The following PLCB1 variants were observed in gnomAD, a reference collection of about 807,000 sequenced individuals.
The protein encoded by PLCB1 is 1-phosphatidylinositol 4,5-bisphosphate phosphodiesterase beta-1.
A neutral mutation model predicts 161.8 loss-of-function variants in PLCB1; 46 were observed. That is an observed-to-expected ratio of 0.28 (90% CI 0.22 to 0.36). PLCB1 has a LOEUF of 0.36. PLCB1 is among the 10% of genes least tolerant of loss of function. The probability of loss-of-function intolerance (pLI) is 1.00; values close to 1 mark genes in which losing one functional copy is unlikely to be tolerated. For missense variants in PLCB1, 1,016 were observed against 1,472.5 expected (o/e 0.69, Z 5.07); for synonymous variants, 517 against 503.7 (o/e 1.03, Z -0.35).
chr20:8,854,969 A>G (rs1029447167), intron 31 of PLCB1, among the ~76,000 whole-genome samples: 8 of 152,230 alleles, frequency 5.3e-5, no homozygotes, highest in African/African-American at 1.7e-4. Flanking sequence ...ACTAATTGAT[A>G]TGTAGGAAAA....
In PLCB1 at chr20:8,140,766, T is replaced by C. The variant is rs575718479; in HGVS notation, c.99+8016T>C. ...ATGATGTCCCCGAACAGGGTCCTTTTAGTAACAACAACAACAACAAAAAAC... is the reference window on the plus strand; with the variant it reads ...ATGATGTCCCCGAACAGGGTCCTTTCAGTAACAACAACAACAACAAAAAAC... On this transcript the variant is annotated intron_variant, in intron 1 of 31. Transcript: ENST00000338037. Among the ~76,000 whole-genome samples, 18 of 152,312 alleles carry C rather than the reference T, an allele frequency of 1.2e-4. No homozygotes were observed. The South Asian group carries it at 3.7e-3, about 32-fold the overall frequency.
intron 2 of PLCB1, among the ~76,000 whole-genome samples, chr20:8,163,950 G>A (rs2051650804): frequency 6.6e-6 from 1 of 152,194 alleles, no homozygotes; most frequent in Non-Finnish European, 1.5e-5. Context: ...TTGGAGTGCT[G>A]TGGCATAAAG....
chr20:8,752,971 A>ATCTGTGTTTATAGCTGC (rs150956180), intron 23 of PLCB1, among the ~76,000 whole-genome samples: 1 of 151,778 alleles, frequency 6.6e-6, no homozygotes, highest in Non-Finnish European at 1.5e-5. Flanking sequence ...GCAAAGCTTC[A>ATCTGTGTTTATAGCTGC]TCCCCATCAC....
chr20:8,155,274 A>G (rs529101486), intron 2 of PLCB1, among the ~76,000 whole-genome samples: 45 of 152,300 alleles, frequency 3.0e-4, no homozygotes, highest in African/African-American at 9.9e-4. Context: ...ATACCTGCAT[A>G]TTTAGTCATT....
chr20:8,306,065 G>A (rs1984122313), intron 2 of PLCB1: 1 of 152,154 alleles, frequency 6.6e-6, no homozygotes, highest in Admixed American at 6.5e-5. Context: ...CTCTGTTGGG[G>A]TGTTTAAAGA....
intron 26 of PLCB1, among the ~76,000 whole-genome samples, chr20:8,768,806 C>T (rs1345036797): frequency 1.3e-5 from 2 of 152,102 alleles, no homozygotes; most frequent in East Asian, 1.9e-4. Flanking sequence ...GCTTCTGGTC[C>T]GTATACTTAT....
At chr20:8,602,565 C>T (rs1330518205) in intron 3 of PLCB1, among the ~76,000 whole-genome samples, 1 of 152,118 alleles carries the variant, frequency 6.6e-6, no homozygotes, top group Non-Finnish European at 1.5e-5. Context: ...TTGAGGAATG[C>T]ATTCAGGTCA....
intron 2 of PLCB1, among the ~76,000 whole-genome samples, chr20:8,194,917 T>A (rs976864435): frequency 2.0e-5 from 3 of 152,040 alleles, no homozygotes; most frequent in Non-Finnish European, 2.9e-5. Flanking sequence ...CTTTGCTCAC[T>A]GAAAAGCAGT....
At chr20:8,201,571 A>G (rs1256358754) in intron 2 of PLCB1, among the ~76,000 whole-genome samples, 1 of 152,190 alleles carries the variant, frequency 6.6e-6, no homozygotes, top group African/African-American at 2.4e-5. Flanking sequence ...TTAATGCAAA[A>G]GTAAGCCTTC....
intron 2 of PLCB1, among the ~76,000 whole-genome samples, chr20:8,159,553 TCTCC>T (rs546033279): frequency 1.1e-4 from 16 of 152,136 alleles, no homozygotes; most frequent in Admixed American, 2.0e-4. Context: ...GGCTTGAACT[TCTCC>T]TCAGAAAATG....
At chr20:8,829,642 A>C (rs1985886737) in intron 31 of PLCB1, among the ~76,000 whole-genome samples, 1 of 152,188 alleles carries the variant, frequency 6.6e-6, no homozygotes, top group Non-Finnish European at 1.5e-5. Context: ...TTCTAGCCAA[A>C]GGGAGCTAAA....
chr20:8,291,755 G>T (rs1983392506), intron 2 of PLCB1, among the ~76,000 whole-genome samples: 1 of 152,084 alleles, frequency 6.6e-6, no homozygotes, highest in Non-Finnish European at 1.5e-5. Flanking sequence ...CCATGGTGTA[G>T]GTACTGTCTT....
intron 26 of PLCB1, among the ~76,000 whole-genome samples, chr20:8,772,933 A>G (rs1220637517): frequency 6.6e-6 from 1 of 152,218 alleles, no homozygotes; most frequent in Non-Finnish European, 1.5e-5. Context: ...TCCATCTCAA[A>G]AAAAGAAAGA....
chr20:8,654,317 A>G (rs1185549536), intron 7 of PLCB1, among the ~76,000 whole-genome samples: 1 of 152,080 alleles, frequency 6.6e-6, no homozygotes, highest in Non-Finnish European at 1.5e-5. Flanking sequence ...ATCCTTCAAA[A>G]AGGCCAAACA....
At chr20:8,660,866 A>G (rs1168000907) in intron 9 of PLCB1, among the ~76,000 whole-genome samples, 1 of 152,176 alleles carries the variant, frequency 6.6e-6, no homozygotes, top group Non-Finnish European at 1.5e-5. Context: ...GAAGCAACAT[A>G]GAATAATGGT....
chr20:8,577,905 C>T (rs1394651242), intron 3 of PLCB1, among the ~76,000 whole-genome samples: 2 of 152,188 alleles, frequency 1.3e-5, no homozygotes, highest in African/African-American at 4.8e-5. Flanking sequence ...ACCAGATTCT[C>T]ATTATAACTG....
chr20:8,789,695 G>A, intron 30 of PLCB1, 120 bp downstream of exon 30: 1 of 751,254 alleles, frequency 1.3e-6, no homozygotes, highest in South Asian at 1.6e-5. Flanking sequence ...CTAGCACCTA[G>A]CAGAGCTGTT....
At chr20:8,161,437 A>G (rs1276407705) in intron 2 of PLCB1, among the ~76,000 whole-genome samples, 1 of 152,214 alleles carries the variant, frequency 6.6e-6, no homozygotes, top group African/African-American at 2.4e-5. Flanking sequence ...TTATGTCATG[A>G]TCCCTGGTTG....
chr20:8,175,967 C>G (rs927020418), intron 2 of PLCB1, among the ~76,000 whole-genome samples: 5 of 152,048 alleles, frequency 3.3e-5, no homozygotes, highest in African/African-American at 1.2e-4. Context: ...AAATTAAAAC[C>G]CCAGTGAGTT....
Sources: gnomAD v4.1 joint callset for allele counts (sites outside exome capture counted in the v4.1 genomes callset) on GRCh38, gnomAD v4.1.1 for gene constraint, MANE v1.5 for transcripts, NCBI Gene and HGNC (gene_info 2026-07-23, HGNC 2026-07-21) for gene names.